Variants in TENM3 observed in about 807,000 individuals in gnomAD.
TENM3 encodes teneurin-3.
A neutral mutation model predicts 255.1 loss-of-function variants in TENM3; 63 were observed. The ratio of observed to expected loss-of-function variants is 0.25; its 90% CI spans 0.20 to 0.30. The LOEUF (loss-of-function observed/expected upper bound fraction) is 0.30, where lower values mean the gene tolerates loss of function less well. Among genes scored for constraint, TENM3 ranks in the 10% least tolerant of loss-of-function variants. TENM3 has a pLI of 1.00. For synonymous variants in TENM3, 1,306 were observed against 1,322.3 expected (o/e 0.99, Z 0.27); for missense variants, 2,929 against 3,461.1 (o/e 0.85, Z 3.86).
chr4:182,076,839 G>A, the TENM3 span, among the ~76,000 whole-genome samples: 162 of 152,240 alleles, frequency 1.1e-3, no homozygotes, highest in African/African-American at 3.8e-3. Context: ...ACATAGGCAC[G>A]GCCATGTTCC....
intron 1 of TENM3, among the ~76,000 whole-genome samples, chr4:182,207,015 T>C (rs1000787052): frequency 6.6e-6 from 1 of 152,200 alleles, no homozygotes; most frequent in African/African-American, 2.4e-5. Context: ...TGGCAAATGG[T>C]CTTGTTGATG....
At chr4:182,242,572 G>A (rs1057015889), upstream of TENM3, among the ~76,000 whole-genome samples, 1 of 151,986 alleles carries the variant, frequency 6.6e-6, no homozygotes, top group African/African-American at 2.4e-5. Flanking sequence ...ACCAGCCTGG[G>A]CAACATGGTG....
the TENM3 span, among the ~76,000 whole-genome samples, chr4:181,893,496 C>CCA: frequency 3.9e-5 from 4 of 103,134 alleles, no homozygotes; most frequent in Admixed American, 1.3e-4. Flanking sequence ...TGCCCACCCC[C>CCA]CCCCCACCCC....
intron 1 of TENM3, among the ~76,000 whole-genome samples, chr4:182,285,788 G>T (rs1476445627): frequency 6.6e-6 from 1 of 152,144 alleles, no homozygotes; most frequent in East Asian, 1.9e-4. Flanking sequence ...AGCACAGCCT[G>T]TGTTGTCAGA....
the TENM3 span, among the ~76,000 whole-genome samples, chr4:182,119,076 A>G: frequency 2.0e-5 from 3 of 152,040 alleles, no homozygotes; most frequent in South Asian, 2.1e-4. Flanking sequence ...TGTTGTCACC[A>G]TTGCTTCTCA....
At chr4:182,707,082 A>G (rs1478755309) in intron 12 of TENM3, among the ~76,000 whole-genome samples, 1 of 152,190 alleles carries the variant, frequency 6.6e-6, no homozygotes, top group Non-Finnish European at 1.5e-5. Context: ...ATGCCTAGAA[A>G]GGTCATTAAA....
intron 3 of TENM3, among the ~76,000 whole-genome samples, chr4:182,414,367 T>C (rs1003603745): frequency 2.6e-5 from 4 of 152,202 alleles, no homozygotes; most frequent in African/African-American, 9.6e-5. Flanking sequence ...TTTTGCAAAG[T>C]ACTTTAAATC....
chr4:181,484,064 G>A, the TENM3 span, among the ~76,000 whole-genome samples: 3 of 152,034 alleles, frequency 2.0e-5, no homozygotes, highest in African/African-American at 7.2e-5. Context: ...AAAACGATCT[G>A]ACTTGTGCTA....
the TENM3 span, among the ~76,000 whole-genome samples, chr4:181,538,773 G>A: frequency 6.6e-6 from 1 of 152,176 alleles, no homozygotes; most frequent in Non-Finnish European, 1.5e-5. Flanking sequence ...TTCCTTTTCA[G>A]AGAGTAGAAT....
the TENM3 span, among the ~76,000 whole-genome samples, chr4:181,795,626 G>A: frequency 6.6e-6 from 1 of 152,138 alleles, no homozygotes; most frequent in Non-Finnish European, 1.5e-5. Context: ...CCAAGTGGCT[G>A]ATGTAATTTG....
chr4:182,360,491 CTT>C (rs1241302140), intron 3 of TENM3, among the ~76,000 whole-genome samples: 5 of 147,620 alleles, frequency 3.4e-5, no homozygotes, highest in African/African-American at 5.0e-5. Context: ...TTCTTTGTCT[CTT>C]TTGATCTTTG....
intron 12 of TENM3, among the ~76,000 whole-genome samples, chr4:182,706,295 A>G (rs1165776309): frequency 6.6e-6 from 1 of 152,214 alleles, no homozygotes; most frequent in Non-Finnish European, 1.5e-5. Flanking sequence ...CTTGTGCCTC[A>G]GTTGCCTCAT....
the TENM3 span, among the ~76,000 whole-genome samples, chr4:181,691,236 TGTGTG>T: frequency 2.7e-5 from 1 of 37,414 alleles, no homozygotes; most frequent in African/African-American, 5.1e-5. Context: ...AATATGATCT[TGTGTG>T]TGTGTGTGTG....
the TENM3 span, among the ~76,000 whole-genome samples, chr4:181,891,844 G>A: frequency 1.3e-5 from 2 of 152,090 alleles, no homozygotes; most frequent in African/African-American, 2.4e-5. Context: ...TTCAAGTGTG[G>A]CCAGTGTGAT....
intron 25 of TENM3, among the ~76,000 whole-genome samples, chr4:182,790,474 G>A (rs1766015905): frequency 2.0e-5 from 3 of 152,218 alleles, no homozygotes; most frequent in Admixed American, 6.5e-5. Flanking sequence ...AATTCCAGCC[G>A]GCGCCTGCAC....
chr4:182,462,252 C>T (rs1310338904), intron 3 of TENM3, among the ~76,000 whole-genome samples: 1 of 151,948 alleles, frequency 6.6e-6, no homozygotes, highest in African/African-American at 2.4e-5. Flanking sequence ...AAGACTGAGT[C>T]TCGCTACGTT....
chr4:182,313,403 A>T (rs1430541152), intron 1 of TENM3, among the ~76,000 whole-genome samples: 1 of 151,988 alleles, frequency 6.6e-6, no homozygotes, highest in Non-Finnish European at 1.5e-5. Flanking sequence ...TTTTCTGTTC[A>T]TTATACTAAA....
the TENM3 span, among the ~76,000 whole-genome samples, chr4:181,551,095 T>C: frequency 6.6e-6 from 1 of 152,174 alleles, no homozygotes; most frequent in Admixed American, 6.5e-5. Context: ...TTTTCTTTTT[T>C]TCCCCCACCC....
chr4:182,043,259 G>A, the TENM3 span, among the ~76,000 whole-genome samples: 33,189 of 152,078 alleles, frequency 0.22, 3,835 homozygotes, highest in African/African-American at 0.29. Flanking sequence ...TCGGTATACA[G>A]GGTATCTGTC....
Sources: allele counts gnomAD v4.1 joint callset (sites outside exome capture counted in the v4.1 genomes callset), GRCh38; gene constraint gnomAD v4.1.1; transcripts MANE v1.5; gene names NCBI Gene and HGNC (gene_info 2026-07-23, HGNC 2026-07-21).